EP400: variants seen among roughly 807,000 people sequenced by gnomAD.
The protein encoded by EP400 is E1A binding protein p400.
In EP400, 105 loss-of-function variants were observed where a neutral mutation model predicts 354.1. That is an observed-to-expected ratio of 0.30 (90% CI 0.25 to 0.35). The LOEUF (loss-of-function observed/expected upper bound fraction) is 0.35, where lower values mean the gene tolerates loss of function less well. Among genes scored for constraint, EP400 ranks in the 10% least tolerant of loss-of-function variants. EP400 has a pLI of 1.00. For synonymous variants in EP400, 1,646 were observed against 1,716.9 expected (o/e 0.96, Z 1.02); for missense variants, 3,280 against 4,121.0 (o/e 0.80, Z 5.59).
intron 45 of EP400, among the ~76,000 whole-genome samples, chr12:132,057,667 GAC>G (rs1895557577): frequency 6.6e-6 from 1 of 152,110 alleles, no homozygotes; most frequent in Admixed American, 6.5e-5. Flanking sequence ...TCTAGTATGT[GAC>G]TTTAAGATTA....
chr12:132,011,332 C>A (rs1893756802), intron 15 of EP400, among the ~76,000 whole-genome samples, 166 bp from the exon 16 acceptor site: 1 of 152,226 alleles, frequency 6.6e-6, no homozygotes, highest in Non-Finnish European at 1.5e-5. Context: ...GGGCAGTGTG[C>A]TGGCTCCAGA....
chr12:132,020,366 T>C, intron 22 of EP400, 148 bp downstream of exon 22: 1 of 885,316 alleles, frequency 1.1e-6, no homozygotes, highest in Non-Finnish European at 1.6e-6. Context: ...GTGCCTTGTT[T>C]AGTTCTTGAT....
chr12:132,035,831 GAC>G (rs780469474), intron 30 of EP400, among the ~76,000 whole-genome samples: 1 of 137,530 alleles, frequency 7.3e-6, no homozygotes, highest in African/African-American at 2.8e-5. Flanking sequence ...ATCGTGGAAG[GAC>G]ACACCCAGGT....
intron 12 of EP400, among the ~76,000 whole-genome samples, chr12:131,997,830 C>T (rs1487053879): frequency 2.0e-5 from 3 of 152,020 alleles, no homozygotes; most frequent in Non-Finnish European, 4.4e-5. Context: ...AGTTGTCCAC[C>T]GATCAGCTAT....
intron 39 of EP400, among the ~76,000 whole-genome samples, chr12:132,049,595 C>G (rs188279125): frequency 3.3e-5 from 5 of 152,192 alleles, no homozygotes; most frequent in Non-Finnish European, 5.9e-5. Flanking sequence ...GGCACACTCT[C>G]TTTGACCAGG....
chr12:132,028,003 A>T lies in EP400; in HGVS notation c.5110-14A>T. The T allele has an allele frequency of 6.2e-7, 1 of 1,604,754 alleles. No homozygotes were observed. The highest frequency in any genetic ancestry group is 1.7e-5 in the Admixed American group (1 of 59,488). On this transcript the variant is annotated splice_polypyrimidine_tract_variant and intron_variant, in intron 26 of 52. Transcript: ENST00000389561. ...GTTTCTCAAGTAACTGTTTTTCATCACTTTTTGATAAAGGAGGAAAAGACC... is the reference window on the plus strand; with the variant it reads ...GTTTCTCAAGTAACTGTTTTTCATCTCTTTTTGATAAAGGAGGAAAAGACC...
intron 3 of EP400, 61 bp downstream of exon 3, chr12:131,979,854 A>G (rs530859523): frequency 2.8e-6 from 4 of 1,403,586 alleles, no homozygotes; most frequent in East Asian, 4.9e-5. Flanking sequence ...CTGCCGAGGT[A>G]CAGTTGCCAT....
At chr12:132,000,116 A>T (rs939948543) in intron 12 of EP400, among the ~76,000 whole-genome samples, 2 of 151,804 alleles carry the variant, frequency 1.3e-5, no homozygotes, top group Non-Finnish European at 2.9e-5. Context: ...CAGCTCATTA[A>T]TATAAACATT....
In EP400 at chr12:131,986,506, C is replaced by T; in HGVS notation, c.1930-8C>T. The T allele has an allele frequency of 1.3e-6, 2 of 1,590,292 alleles. No individual in the cohort carries two copies. On this transcript the variant is annotated splice_polypyrimidine_tract_variant and splice_region_variant and intron_variant, in intron 5 of 52. Coordinates refer to ENST00000389561, the MANE Select transcript of EP400 (RefSeq NM_015409.5). ...TCACCTTGCTCCACTTGTGCCCTGC[C>T]CTTACAGATGGTAGCATCGACAAGG...
At chr12:131,966,618 A>G (rs1221069460) in intron 2 of EP400, among the ~76,000 whole-genome samples, 5 of 150,096 alleles carry the variant, frequency 3.3e-5, no homozygotes, top group African/African-American at 4.9e-5. Context: ...AAATTAAAAA[A>G]TTAGGCCGGG....
chr12:131,991,371 G>A (rs754272018), intron 9 of EP400, 36 bp from the exon 10 acceptor site: 6 of 1,611,118 alleles, frequency 3.7e-6, no homozygotes, highest in Non-Finnish European at 5.1e-6. Context: ...AAGCATGGGG[G>A]GCCTTGGGAA....
chr12:132,053,276 T>C, intron 42 of EP400, 52 bp downstream of exon 42: 1 of 1,610,198 alleles, frequency 6.2e-7, no homozygotes, highest in Non-Finnish European at 8.5e-7. Flanking sequence ...TGACTGTGAC[T>C]TCATCCAGGG....
chr12:131,991,694 C>T (rs1290460305), intron 10 of EP400, among the ~76,000 whole-genome samples: 2 of 151,666 alleles, frequency 1.3e-5, no homozygotes, highest in African/African-American at 4.8e-5. Flanking sequence ...AATTCTCCTG[C>T]CTCAGCCTCC....
At chr12:132,063,919 C>G (rs1239643576) in intron 47 of EP400, among the ~76,000 whole-genome samples, 1 of 152,198 alleles carries the variant, frequency 6.6e-6, no homozygotes, top group Non-Finnish European at 1.5e-5. Flanking sequence ...TCAAGAGTCC[C>G]AGGCCCAGCA....
intron 39 of EP400, among the ~76,000 whole-genome samples, chr12:132,049,805 A>G (rs781704654): frequency 6.6e-5 from 10 of 152,166 alleles, no homozygotes; most frequent in Non-Finnish European, 1.3e-4. Flanking sequence ...TGAGTGGCCC[A>G]TTGTTTAGCT....
Position 132,043,692 on chromosome 12 carries a change from T to C in EP400, c.6414T>C (p.His2138=), listed in dbSNP as rs916831925. The C allele has an allele frequency of 1.4e-5, 23 of 1,611,782 alleles. No individual in the cohort carries two copies. Among genetic ancestry groups the C allele is most frequent in the Non-Finnish European group, 1.9e-5 (23 of 1,179,488 alleles). The change falls in exon 34 of 53, where the codon CAT becomes CAC. Residue 2138 remains histidine (H), a synonymous_variant. Coordinates refer to ENST00000389561, the MANE Select transcript of EP400 (RefSeq NM_015409.5). ...CTTTAAATTACCTGGAATTATTCCA[T>C]ACTTCTATTGAGCAAGAAAAGGAGA... ...KYALNYLELF[H]TSIEQEKERN...
At position 132,006,842 on chromosome 12, in the gene EP400, T is replaced by C; in HGVS notation, c.3269T>C (p.Ile1090Thr). The change falls in exon 15 of 53, where the codon ATC becomes ACC. Residue 1090 changes from isoleucine (I) to threonine (T), a missense_variant. Transcript: ENST00000389561. ...DEAGLGKTVQIIAFFAHLACN... is the reference protein window; with the variant it reads ...DEAGLGKTVQTIAFFAHLACN... The stretch of plus-strand genomic sequence containing the variant: ...GCTGGGCTGGGTAAAACAGTGCAGA[T>C]CATTGCTTTTTTTGCCCACCTAGCT... The C allele has an allele frequency of 6.2e-7, 1 of 1,613,730 alleles. No homozygotes were observed. The highest frequency in any genetic ancestry group is 2.2e-5 in the East Asian group (1 of 44,880).
Position 132,067,554 on chromosome 12 carries a change from G to A in EP400, c.8874+68G>A, listed in dbSNP as rs148326914. 11,788 of 1,556,966 alleles carry A rather than the reference G, an allele frequency of 7.6e-3. 58 individuals carry two copies. Among genetic ancestry groups the A allele is most frequent in the Non-Finnish European group, 9.0e-3 (10,419 of 1,155,314 alleles). ...CCAAAGCTGGCTGCTGGAGGAGAGG[G>A]TCCTAAGCAGACAAATCCCCATGTG... On this transcript the variant is annotated intron_variant, in intron 50 of 52. Coordinates refer to ENST00000389561, the MANE Select transcript of EP400 (RefSeq NM_015409.5). This position sits in a 1 kb window ranked among gnomAD's most constrained non-coding sequence, Gnocchi z 5.3.
chr12:132,060,628 A>G (rs1276077754), intron 45 of EP400, among the ~76,000 whole-genome samples: 1 of 152,186 alleles, frequency 6.6e-6, no homozygotes, highest in East Asian at 1.9e-4. Context: ...ATCTTAAAGA[A>G]CAAGGGAGGC....
Sources: allele counts gnomAD v4.1 joint callset (sites outside exome capture counted in the v4.1 genomes callset), GRCh38; gene constraint gnomAD v4.1.1; non-coding constraint Gnocchi (gnomAD v3.1); transcripts MANE v1.5; gene names NCBI Gene and HGNC (gene_info 2026-07-23, HGNC 2026-07-21).